NXPE2: variants seen among roughly 807,000 people sequenced by gnomAD.
NXPE2 encodes NXPE family member 2.
NXPE2 carries 34 observed loss-of-function variants against 34.4 expected under a neutral mutation model. That is an observed-to-expected ratio of 0.99 (90% CI 0.75 to 1.31). The LOEUF (loss-of-function observed/expected upper bound fraction) is 1.31, where lower values mean the gene tolerates loss of function less well. NXPE2 is among the 40% of genes most tolerant of loss of function. The pLI, the probability that NXPE2 is intolerant of heterozygous loss-of-function variation, is 0.00. For synonymous variants in NXPE2, 235 were observed against 231.3 expected (o/e 1.02, Z -0.15); for missense variants, 649 against 672.5 (o/e 0.97, Z 0.39).
chr11:114,653,335 G>A, the NXPE2 span, among the ~76,000 whole-genome samples: 1 of 152,078 alleles, frequency 6.6e-6, no homozygotes, highest in Non-Finnish European at 1.5e-5. Context: ...GTCTGTTCTT[G>A]GTACTTTTAT....
At chr11:114,577,144 CATAA>C in the NXPE2 span, among the ~76,000 whole-genome samples, 8 of 131,790 alleles carry the variant, frequency 6.1e-5, no homozygotes, top group African/African-American at 2.3e-4. Flanking sequence ...TATATAATGT[CATAA>C]ATATATATGT....
chr11:114,771,838 C>T, the NXPE2 span, among the ~76,000 whole-genome samples: 1 of 152,234 alleles, frequency 6.6e-6, no homozygotes, highest in African/African-American at 2.4e-5. Flanking sequence ...CATTCAGTCC[C>T]CAAAGGTCCT....
chr11:114,617,668 T>C, the NXPE2 span, among the ~76,000 whole-genome samples: 7 of 152,134 alleles, frequency 4.6e-5, no homozygotes, highest in Non-Finnish European at 8.8e-5. Flanking sequence ...GGGTAACCAC[T>C]GTTACCCGGT....
chr11:114,630,128 A>T, the NXPE2 span, among the ~76,000 whole-genome samples: 2 of 151,818 alleles, frequency 1.3e-5, no homozygotes, highest in Non-Finnish European at 2.9e-5. Context: ...TGCTGTACCC[A>T]TCAAGCTACC....
chr11:114,528,803 C>T, the NXPE2 span: 6 of 676,618 alleles, frequency 8.9e-6, no homozygotes, highest in Admixed American at 1.2e-4. Flanking sequence ...TACCTGATTT[C>T]CTGCTATAGA....
the NXPE2 span, among the ~76,000 whole-genome samples, chr11:114,471,168 A>G: frequency 2.0e-5 from 3 of 152,198 alleles, no homozygotes; most frequent in Non-Finnish European, 4.4e-5. Flanking sequence ...TGTCTTTAAT[A>G]GATCAGGCTT....
chr11:114,475,224 C>CTTTT, the NXPE2 span, among the ~76,000 whole-genome samples: 1 of 72,840 alleles, frequency 1.4e-5, no homozygotes, highest in Non-Finnish European at 3.0e-5. Context: ...TTAATGTGAA[C>CTTTT]TGTTTTTTTT....
the NXPE2 span, among the ~76,000 whole-genome samples, chr11:114,475,693 A>G: frequency 6.6e-6 from 1 of 152,140 alleles, no homozygotes; most frequent in Non-Finnish European, 1.5e-5. Context: ...CAACATTTCC[A>G]TGGTTAGCTC....
the NXPE2 span, among the ~76,000 whole-genome samples, chr11:114,494,434 T>G: frequency 6.6e-6 from 1 of 152,180 alleles, no homozygotes; most frequent in African/African-American, 2.4e-5. Context: ...TCAAATAGCC[T>G]GTATTCAAAC....
At chr11:114,707,831 T>C (rs1271775077), downstream of NXPE2, among the ~76,000 whole-genome samples, 2 of 152,216 alleles carry the variant, frequency 1.3e-5, no homozygotes, top group Non-Finnish European at 2.9e-5. Context: ...ACTTAGCATA[T>C]GTCTTTAAGG....
At chr11:114,759,080 A>G in the NXPE2 span, among the ~76,000 whole-genome samples, 2 of 149,054 alleles carry the variant, frequency 1.3e-5, no homozygotes, top group Admixed American at 6.8e-5. Flanking sequence ...ACACACGCAC[A>G]TGCGTACACA....
At chr11:114,564,722 T>TA in the NXPE2 span, among the ~76,000 whole-genome samples, 2 of 151,948 alleles carry the variant, frequency 1.3e-5, no homozygotes, top group Non-Finnish European at 2.9e-5. Flanking sequence ...ATTCTTTCCA[T>TA]AAAAAAGGAA....
chr11:114,801,767 G>A, the NXPE2 span, among the ~76,000 whole-genome samples: 2 of 152,128 alleles, frequency 1.3e-5, no homozygotes, highest in African/African-American at 4.8e-5. Flanking sequence ...AAATAGGGAC[G>A]AGTCAGGTTT....
At chr11:114,796,400 T>C in the NXPE2 span, among the ~76,000 whole-genome samples, 1 of 152,196 alleles carries the variant, frequency 6.6e-6, no homozygotes, top group African/African-American at 2.4e-5. Context: ...TATATTATTA[T>C]AGCTAAAACC....
chr11:114,639,883 T>TATAAAATATA, the NXPE2 span, among the ~76,000 whole-genome samples: 1 of 97,802 alleles, frequency 1.0e-5, no homozygotes, highest in Non-Finnish European at 1.8e-5. Context: ...AAATATAAAA[T>TATAAAATATA]ATGTTATATA....
chr11:114,624,050 A>G, the NXPE2 span, among the ~76,000 whole-genome samples: 1 of 151,992 alleles, frequency 6.6e-6, no homozygotes, highest in Non-Finnish European at 1.5e-5. Flanking sequence ...TACCTGGTGG[A>G]TAATGAGTGT....
chr11:114,602,300 A>T, the NXPE2 span, among the ~76,000 whole-genome samples: 2 of 118,030 alleles, frequency 1.7e-5, no homozygotes, highest in Non-Finnish European at 3.2e-5. Flanking sequence ...TCTATAACAT[A>T]TACTATATAT....
At chr11:114,744,909 G>A in the NXPE2 span, among the ~76,000 whole-genome samples, 1 of 152,068 alleles carries the variant, frequency 6.6e-6, no homozygotes, top group Non-Finnish European at 1.5e-5. Context: ...TTCATTTTGT[G>A]TATAAAATAA....
chr11:114,784,411 C>T, the NXPE2 span, among the ~76,000 whole-genome samples: 1 of 152,204 alleles, frequency 6.6e-6, no homozygotes, highest in South Asian at 2.1e-4. Flanking sequence ...CATCTGGAGT[C>T]CTGCTGTTGT....
Sources: allele counts gnomAD v4.1 joint callset (sites outside exome capture counted in the v4.1 genomes callset), GRCh38; gene constraint gnomAD v4.1.1; transcripts MANE v1.5; gene names NCBI Gene and HGNC (gene_info 2026-07-23, HGNC 2026-07-21).